Variants in BRI3 observed in about 807,000 individuals in gnomAD.
BRI3 encodes the protein brain protein I3.
In BRI3, 6 loss-of-function variants were observed where a neutral mutation model predicts 12.8. The observed-to-expected ratio is 0.47, with a 90% CI of 0.26 to 0.93. The LOEUF (loss-of-function observed/expected upper bound fraction) is 0.93, where lower values mean the gene tolerates loss of function less well. Among genes scored for constraint, BRI3 ranks in the 40% least tolerant of loss-of-function variants. The pLI, the probability that BRI3 is intolerant of heterozygous loss-of-function variation, is 0.15. For synonymous variants in BRI3, 91 were observed against 76.1 expected, an observed-to-expected ratio of 1.20 and a Z score of -1.02; for missense variants, 134 against 171.1, an observed-to-expected ratio of 0.78 and a Z score of 1.21.
At chr7:98,286,066 C>G (rs1478937136) in intron 2 of BRI3, among the ~76,000 whole-genome samples, 2 of 152,148 alleles carry the variant, frequency 1.3e-5, no homozygotes, top group African/African-American at 2.4e-5. Flanking sequence ...TGGGGGCTAC[C>G]TGGGAGGGAG....
chr7:98,293,634 C>T (rs778466050), downstream of BRI3: 2 of 1,586,382 alleles, frequency 1.3e-6, no homozygotes, highest in Non-Finnish European at 1.7e-6. Context: ...AACTTCTGCT[C>T]TACGAGGGAA....
downstream of BRI3, chr7:98,294,097 C>A: frequency 6.2e-7 from 1 of 1,614,144 alleles, no homozygotes; most frequent in South Asian, 1.1e-5. Flanking sequence ...GCTTTGCAGT[C>A]CCGTTGGCAT....
chr7:98,320,250 C>T, the BRI3 span: 1 of 1,609,650 alleles, frequency 6.2e-7, no homozygotes, highest in Non-Finnish European at 8.5e-7. Context: ...TTCATCAAGA[C>T]TCTCGTTGAG....
downstream of BRI3, chr7:98,291,642 C>T: frequency 6.6e-6 from 3 of 453,894 alleles, 1 homozygote; most frequent in Non-Finnish European, 8.9e-6. Flanking sequence ...GCTTACAGCT[C>T]AAGAAAATGT....
At chr7:98,313,199 G>T (rs1800938971), downstream of BRI3, among the ~76,000 whole-genome samples, 1 of 151,234 alleles carries the variant, frequency 6.6e-6, no homozygotes, top group Non-Finnish European at 1.5e-5. Flanking sequence ...CAGCTGCTTG[G>T]GCCTGCTTCA....
At position 98,281,892 on chromosome 7, in the gene BRI3, A is replaced by G; in HGVS notation, c.97A>G (p.Ile33Val). 5 of 1,299,886 alleles carry G rather than the reference A, an allele frequency of 3.8e-6. No individual in the cohort carries two copies. The highest frequency in any genetic ancestry group is 2.2e-5 in the South Asian group (1 of 46,486). 80.5% of individuals were successfully genotyped at this position (1,299,886 alleles called of 1,614,324 possible). A position where few individuals can be genotyped will look rare whatever the true frequency, so the allele number is the denominator to read the frequency against. The change falls in exon 1 of 3, where the codon ATC becomes GTC. Residue 33 changes from isoleucine (I) to valine (V), a missense_variant. Coordinates refer to ENST00000297290, the MANE Select transcript of BRI3 (RefSeq NM_015379.5). ...GTGCGGCCCGCACGGCTACGGCGCCATCCCCGCCGCGCCCCCGCCGCCGCC... is the reference window on the plus strand; with the variant it reads ...GTGCGGCCCGCACGGCTACGGCGCCGTCCCCGCCGCGCCCCCGCCGCCGCC... ...YACGPHGYGAIPAAPPPPPYP... is the reference protein window; with the variant it reads ...YACGPHGYGAVPAAPPPPPYP...
At chr7:98,315,601 G>A in the BRI3 span, 59 of 1,386,814 alleles carry the variant, frequency 4.3e-5, no homozygotes, top group Middle Eastern at 6.0e-4. Flanking sequence ...GAGAAGTAAC[G>A]GTCTCCACAT....
At chr7:98,304,289 C>A (rs1045916), upstream of BRI3, 1 of 1,613,112 alleles carries the variant, frequency 6.2e-7, no homozygotes, top group Admixed American at 1.7e-5. Context: ...CCCCCATGGA[C>A]AAGCATTCCA....
chr7:98,301,119 C>T (rs1173245836), intron 1 of BRI3, among the ~76,000 whole-genome samples: 1 of 152,146 alleles, frequency 6.6e-6, no homozygotes, highest in Non-Finnish European at 1.5e-5. Flanking sequence ...CCACAAAACC[C>T]CTCCCCCACA....
chr7:98,307,103 T>C (rs1350470363), intron 1 of BRI3: 1 of 159,678 alleles, frequency 6.3e-6, no homozygotes, highest in Non-Finnish European at 1.4e-5. Flanking sequence ...CTTCAATAAA[T>C]CAAATGCTAA....
chr7:98,292,427 G>A, downstream of BRI3: 1 of 573,316 alleles, frequency 1.7e-6, no homozygotes, highest in Non-Finnish European at 3.1e-6. Flanking sequence ...CCCTGCCTCG[G>A]CCTCACAAAA....
downstream of BRI3, chr7:98,312,008 C>T (rs2116877297): frequency 3.8e-6 from 5 of 1,330,644 alleles, no homozygotes; most frequent in African/African-American, 1.5e-5. Flanking sequence ...TAAAGGGGGA[C>T]CTGTGATTCC....
At chr7:98,315,624 A>AT in the BRI3 span, 4,784 of 1,171,264 alleles carry the variant, frequency 4.1e-3, 21 homozygotes, top group African/African-American at 0.018. Context: ...TAAAAAAAAA[A>AT]AAATAATAAT....
chr7:98,294,488 G>A (rs1186531070), downstream of BRI3, among the ~76,000 whole-genome samples: 1 of 152,194 alleles, frequency 6.6e-6, no homozygotes, highest in Non-Finnish European at 1.5e-5. Context: ...CTGCCTGCGC[G>A]GGTCACCCGT....
intron 1 of BRI3, among the ~76,000 whole-genome samples, 173 bp downstream of exon 1, chr7:98,282,110 C>G (rs1584384510): frequency 6.6e-6 from 1 of 152,290 alleles, no homozygotes; most frequent in African/African-American, 2.4e-5. Context: ...CCCCGGGGCT[C>G]TAGTCCTCGG....
At chr7:98,309,271 C>A (rs1440548554) in exon 2 of BRI3, 1 of 152,186 alleles carries the variant, frequency 6.6e-6, no homozygotes, top group Non-Finnish European at 1.5e-5. Flanking sequence ...TCTCTTGCCT[C>A]AGCCTCCTGA....
At chr7:98,292,806 G>T (rs1041086922), downstream of BRI3, 97 of 1,532,988 alleles carry the variant, frequency 6.3e-5, no homozygotes, top group African/African-American at 1.3e-3. Context: ...GCCCAGGCCT[G>T]TGTCCTGGAT....
At chr7:98,316,193 C>T in the BRI3 span, among the ~76,000 whole-genome samples, 59 of 152,152 alleles carry the variant, frequency 3.9e-4, no homozygotes, top group Non-Finnish European at 2.2e-4. Context: ...CCATGTAAGA[C>T]GTGACTTGCT....
downstream of BRI3, chr7:98,291,665 C>G: frequency 3.0e-6 from 1 of 337,218 alleles, no homozygotes; most frequent in Non-Finnish European, 4.3e-6. Flanking sequence ...TCAAGTTCTG[C>G]TTTATTATTA....
Sources: allele counts gnomAD v4.1 joint callset (sites outside exome capture counted in the v4.1 genomes callset), GRCh38; gene constraint gnomAD v4.1.1; transcripts MANE v1.5; gene names NCBI Gene and HGNC (gene_info 2026-07-23, HGNC 2026-07-21).